Variants in ALMS1 observed in about 807,000 individuals in gnomAD.
The protein encoded by ALMS1 is centrosome-associated protein ALMS1.
In ALMS1, 271 loss-of-function variants were observed where a neutral mutation model predicts 352.2. The observed-to-expected ratio is 0.77, with a 90% CI of 0.70 to 0.85. The LOEUF is 0.85. Among genes scored for constraint, ALMS1 ranks in the 40% least tolerant of loss-of-function variants. ALMS1 has a pLI of 0.00. For synonymous variants in ALMS1, 1,865 were observed against 1,761.2 expected, an observed-to-expected ratio of 1.06 and a Z score of -1.48; for missense variants, 5,445 against 4,870.7, an observed-to-expected ratio of 1.12 and a Z score of -3.51.
rs745476451 is a variant in ALMS1, at chr2:73,602,249, A to G, written c.12179A>G (p.Lys4060Arg). The G allele has an allele frequency of 1.1e-5, 18 of 1,614,044 alleles. No homozygotes were observed. The highest frequency in any genetic ancestry group is 2.5e-6 in the Non-Finnish European group (3 of 1,180,018). ...SRSGERIKRL[K>R]LIVQERKLQS... The stretch of plus-strand genomic sequence containing the variant: ...TCTGGGGAGCGGATAAAGCGCCTGA[A>G]GTTAATAGTCCAGGAGAGGAAGCTG... The change falls in exon 20 of 23, where the codon AAG becomes AGG. Residue 4060 changes from lysine (K) to arginine (R), a missense_variant. By Grantham distance (26) the Lys-to-Arg change is conservative (BLOSUM62 2). Coordinates refer to ENST00000613296, the MANE Select transcript of ALMS1 (RefSeq NM_001378454.1).
At chr2:73,582,784 C>T (rs1358227124) in intron 16 of ALMS1, among the ~76,000 whole-genome samples, 1 of 152,102 alleles carries the variant, frequency 6.6e-6, no homozygotes, top group Non-Finnish European at 1.5e-5. Flanking sequence ...CATTGATGGA[C>T]ATTTGGGTTG....
intron 10 of ALMS1, among the ~76,000 whole-genome samples, chr2:73,515,806 A>ACAC (rs1673544253): frequency 4.1e-5 from 4 of 98,112 alleles, no homozygotes; most frequent in South Asian, 6.3e-4. Context: ...CACACACACA[A>ACAC]ACTCAGAGAC....
rs1553401642 is a variant in ALMS1, at chr2:73,432,307, A to G, written c.1432+16A>G. ...TTAAAAGCAGGTACGTAGAAAAAGG[A>G]GATAGTAAATGTCCTACTTACGGAT... On this transcript the variant is annotated intron_variant, in intron 7 of 22. Coordinates refer to ENST00000613296, the MANE Select transcript of ALMS1 (RefSeq NM_001378454.1). The G allele has an allele frequency of 2.5e-6, 4 of 1,577,454 alleles. No homozygotes were observed. Among genetic ancestry groups the G allele is most frequent in the Non-Finnish European group, 2.6e-6 (3 of 1,147,030 alleles).
rs748200460 is a variant in ALMS1, at chr2:73,572,828, C to G, written c.10951C>G (p.His3651Asp). The G allele has an allele frequency of 6.2e-7, 1 of 1,613,998 alleles. No individual in the cohort carries two copies. Among genetic ancestry groups the G allele is most frequent in the East Asian group, 2.2e-5 (1 of 44,872 alleles). The change falls in exon 16 of 23, where the codon CAT becomes GAT. Residue 3651 changes from histidine to aspartate, a missense_variant. Physicochemically the swap from His to Asp is moderately conservative, Grantham distance 81. Coordinates refer to ENST00000613296, the MANE Select transcript of ALMS1 (RefSeq NM_001378454.1). Reference protein sequence around the residue: ...THSLQVSESTHDDSRGERSVK... With the variant: ...THSLQVSESTDDDSRGERSVK... ...TTCTCTCCAGGTCTCAGAAAGTACA[C>G]ATGATGATAGCAGAGGGGAACGAAG... is the stretch of plus-strand genomic sequence containing the variant.
Position 73,452,159 on chromosome 2 carries a change from G to A in ALMS1, c.5632G>A (p.Val1878Ile). 6.2e-7 allele frequency: 1 copy of A among 1,609,224 alleles called. No individual in the cohort carries two copies. The highest frequency in any genetic ancestry group is 8.5e-7 in the Non-Finnish European group (1 of 1,176,762). The change falls in exon 8 of 23, where the codon GTT becomes ATT. Residue 1878 changes from valine to isoleucine, a missense_variant. Val to Ile is a conservative substitution (Grantham distance 29, BLOSUM62 3). Coordinates refer to ENST00000613296, the MANE Select transcript of ALMS1 (RefSeq NM_001378454.1). ...TGAAGTAACTTTGAAAGCAATAGGGGTTCCTGGGCCTGCTGACCAGAAGAC... is the reference window on the plus strand; with the variant it reads ...TGAAGTAACTTTGAAAGCAATAGGGATTCCTGGGCCTGCTGACCAGAAGAC... ...LTEVTLKAIGVPGPADQKTGI... is the reference protein window; with the variant it reads ...LTEVTLKAIGIPGPADQKTGI...
At chr2:73,465,562 C>G (rs962074744) in intron 9 of ALMS1, among the ~76,000 whole-genome samples, 1 of 152,192 alleles carries the variant, frequency 6.6e-6, no homozygotes, top group African/African-American at 2.4e-5. Context: ...CAATACCATT[C>G]AGGACATAGG....
chr2:73,548,774 A>G (rs552063096), intron 12 of ALMS1, among the ~76,000 whole-genome samples: 1 of 152,336 alleles, frequency 6.6e-6, no homozygotes, highest in East Asian at 1.9e-4. Context: ...CTCTTGGGCA[A>G]TGGTACATTA....
chr2:73,608,008 G>A (rs749483080), intron 21 of ALMS1, among the ~76,000 whole-genome samples: 5 of 151,862 alleles, frequency 3.3e-5, no homozygotes, highest in Non-Finnish European at 5.9e-5. Flanking sequence ...TTCCTCTCTG[G>A]AGCCTTTCCG....
chr2:73,565,608 G>A (rs1272351784), intron 15 of ALMS1, among the ~76,000 whole-genome samples: 3 of 152,054 alleles, frequency 2.0e-5, no homozygotes, highest in Non-Finnish European at 4.4e-5. Flanking sequence ...ATAGGAAGGG[G>A]GAAAAAGAAT....
chr2:73,467,228 G>A (rs1042947834), intron 9 of ALMS1, among the ~76,000 whole-genome samples: 2 of 152,030 alleles, frequency 1.3e-5, no homozygotes, highest in Admixed American at 6.6e-5. Flanking sequence ...GGGTATTTCG[G>A]ATACATATAT....
chr2:73,523,392 A>T (rs1453975061), intron 11 of ALMS1, among the ~76,000 whole-genome samples: 2 of 152,216 alleles, frequency 1.3e-5, no homozygotes, highest in African/African-American at 4.8e-5. Flanking sequence ...CAGGCTACTA[A>T]CAATGTGGAA....
Position 73,450,624 on chromosome 2 carries a change from C to T in ALMS1, c.4097C>T (p.Pro1366Leu), listed in dbSNP as rs1671913679. ...CTGAAAATTTCAGTTGCCTCTGAAC[C>T]AGTTGACCAGACAACTGGCACACCA... is the stretch of plus-strand genomic sequence containing the variant. ...EALKISVASEPVDQTTGTPTV... is the reference protein window; with the variant it reads ...EALKISVASELVDQTTGTPTV... The change falls in exon 8 of 23, where the codon CCA becomes CTA. Residue 1366 changes from proline (P) to leucine (L), a missense_variant. Transcript: ENST00000613296. 6 of 1,612,908 alleles carry T rather than the reference C, an allele frequency of 3.7e-6. No individual in the cohort carries two copies. The highest frequency in any genetic ancestry group is 4.2e-6 in the Non-Finnish European group (5 of 1,179,770).
At chr2:73,396,846 G>C (rs1012202964) in intron 1 of ALMS1, among the ~76,000 whole-genome samples, 2 of 151,788 alleles carry the variant, frequency 1.3e-5, no homozygotes, top group Non-Finnish European at 2.9e-5. Context: ...GGGTTTAACC[G>C]TGTTAGACGG....
intron 2 of ALMS1, among the ~76,000 whole-genome samples, chr2:73,411,101 G>A (rs775575584): frequency 2.6e-5 from 4 of 152,058 alleles, no homozygotes; most frequent in Non-Finnish European, 5.9e-5. Flanking sequence ...CCTTATTGGT[G>A]ATTGCAGGTG....
At position 73,426,443 on chromosome 2, in the gene ALMS1, T is replaced by C; in HGVS notation, c.1238-10T>C. ...ACATACAATTATGCAAAATGACTCC[T>C]ATTTTGTAGAGGGCCTGCAGGGGAA... On this transcript the variant is annotated splice_polypyrimidine_tract_variant and intron_variant, in intron 5 of 22. Transcript: ENST00000613296. 6.2e-7 allele frequency: 1 copy of C among 1,613,662 alleles called. No individual in the cohort carries two copies. Among genetic ancestry groups the C allele is most frequent in the Non-Finnish European group, 8.5e-7 (1 of 1,179,562 alleles).
chr2:73,458,456 C>T (rs1240382316), intron 9 of ALMS1: 2 of 152,280 alleles, frequency 1.3e-5, no homozygotes, highest in East Asian at 3.9e-4. Flanking sequence ...GGACACACCA[C>T]TGAACAAAAT....
chr2:73,565,906 G>A (rs1003378641), intron 15 of ALMS1, among the ~76,000 whole-genome samples: 18 of 152,092 alleles, frequency 1.2e-4, no homozygotes, highest in African/African-American at 4.3e-4. Flanking sequence ...AGAAGCCTAA[G>A]GAGACATGAT....
intron 9 of ALMS1, among the ~76,000 whole-genome samples, chr2:73,469,111 T>C (rs1453400455): frequency 6.6e-6 from 1 of 151,938 alleles, no homozygotes; most frequent in African/African-American, 2.4e-5. Flanking sequence ...TCTCTTCTGT[T>C]TGGTAATGAA....
chr2:73,440,707 G>A (rs1177689397), intron 7 of ALMS1, among the ~76,000 whole-genome samples: 1 of 152,196 alleles, frequency 6.6e-6, no homozygotes, highest in African/African-American at 2.4e-5. Context: ...TTATAGGCGT[G>A]AGCAACCACA....
Sources: allele counts gnomAD v4.1 joint callset (sites outside exome capture counted in the v4.1 genomes callset), GRCh38; gene constraint gnomAD v4.1.1; transcripts MANE v1.5; gene names NCBI Gene and HGNC (gene_info 2026-07-23, HGNC 2026-07-21).